COL24A1: variants seen among roughly 807,000 people sequenced by gnomAD.
The protein encoded by COL24A1 is collagen type XXIV alpha 1 chain.
Under a neutral mutation model 253.9 loss-of-function variants are expected in COL24A1, and 224 were observed. The observed-to-expected ratio is 0.88, with a 90% confidence interval of 0.79 to 0.99. The LOEUF (loss-of-function observed/expected upper bound fraction) is 0.99, where lower values mean the gene tolerates loss of function less well. Among genes scored for constraint, COL24A1 ranks in the 50% least tolerant of loss-of-function variants. The probability of loss-of-function intolerance (pLI) is 0.00; values close to 1 mark genes in which losing one functional copy is unlikely to be tolerated. For missense variants in COL24A1, 2,131 were observed against 2,068.5 expected (o/e 1.03, Z -0.59); for synonymous variants, 685 against 673.7 (o/e 1.02, Z -0.26).
chr1:85,877,574 G>A (rs939793226), intron 32 of COL24A1, among the ~76,000 whole-genome samples: 7 of 152,284 alleles, frequency 4.6e-5, no homozygotes, highest in Non-Finnish European at 8.8e-5. Flanking sequence ...TGTTGACCAG[G>A]CTGGTCATGA....
At chr1:85,736,398 T>C (rs1664059653) in intron 58 of COL24A1, 4 of 456,338 alleles carry the variant, frequency 8.8e-6, no homozygotes, top group Non-Finnish European at 1.8e-5. Context: ...CCATCTTCTT[T>C]CCTTCTATGA....
chr1:85,983,883 C>A (rs1300755400), intron 20 of COL24A1, among the ~76,000 whole-genome samples: 1 of 151,730 alleles, frequency 6.6e-6, no homozygotes, highest in East Asian at 1.9e-4. Context: ...ATAAAATCAT[C>A]CCAGGATATT....
rs1188611006 is a variant in COL24A1 at position 85,877,157 on chromosome 1, C to T, written c.2995G>A (p.Gly999Ser). The T allele has an allele frequency of 2.5e-6, 4 of 1,605,778 alleles. No homozygotes were observed. The Admixed American group carries it at 6.8e-5, about 27-fold the overall frequency. The change falls in exon 33 of 60, where the codon GGT becomes AGT. Residue 999 changes from glycine to serine, a missense_variant. Physicochemically the swap from Gly to Ser is moderately conservative, Grantham distance 56. Transcript: ENST00000370571. ...ATTTCTCCAGGAGGTCCAACATCACCTTGCAGTCCTCGCAGTCCCTATATT... is the reference window on the plus strand; with the variant it reads ...ATTTCTCCAGGAGGTCCAACATCACTTTGCAGTCCTCGCAGTCCCTATATT... ...PGEPGLRGLQ[G>S]DVGPPGEMGM...
intron 43 of COL24A1, among the ~76,000 whole-genome samples, chr1:85,828,153 T>G (rs1674654917): frequency 6.6e-6 from 1 of 152,072 alleles, no homozygotes; most frequent in Non-Finnish European, 1.5e-5. Flanking sequence ...AAGAACATCT[T>G]TATTTCTGCC....
At chr1:86,065,217 G>A (rs941458507) in intron 7 of COL24A1, among the ~76,000 whole-genome samples, 4 of 152,056 alleles carry the variant, frequency 2.6e-5, no homozygotes, top group Admixed American at 6.6e-5. Context: ...TAAAGTGTGT[G>A]TTTATTTATT....
At chr1:85,999,075 T>G (rs1470440051) in intron 19 of COL24A1, among the ~76,000 whole-genome samples, 1 of 152,164 alleles carries the variant, frequency 6.6e-6, no homozygotes, top group African/African-American at 2.4e-5. Flanking sequence ...AGACATAGCT[T>G]TCTGGAGGAG....
At chr1:85,810,725 G>C (rs529143994) in intron 47 of COL24A1, among the ~76,000 whole-genome samples, 12 of 152,136 alleles carry the variant, frequency 7.9e-5, no homozygotes, top group Admixed American at 4.6e-4. Flanking sequence ...TCTCTTGCTT[G>C]TTACTGCTTT....
At chr1:86,110,176 A>C (rs911957809) in intron 5 of COL24A1, among the ~76,000 whole-genome samples, 1 of 151,546 alleles carries the variant, frequency 6.6e-6, no homozygotes, top group African/African-American at 2.4e-5. Context: ...GGAATATTTT[A>C]TTTTATATAT....
intron 10 of COL24A1, among the ~76,000 whole-genome samples, chr1:86,051,674 G>A (rs559741037): frequency 6.6e-6 from 1 of 152,098 alleles, no homozygotes; most frequent in African/African-American, 2.4e-5. Context: ...TTAAGACACA[G>A]TTTTCATATA....
intron 3 of COL24A1, among the ~76,000 whole-genome samples, chr1:86,123,070 G>T (rs1469218234): frequency 6.6e-6 from 1 of 151,878 alleles, no homozygotes; most frequent in East Asian, 1.9e-4. Context: ...TTGGGCTTCA[G>T]TTTCTTCACC....
intron 14 of COL24A1, among the ~76,000 whole-genome samples, chr1:86,025,196 T>C (rs1277692684): frequency 4.6e-5 from 7 of 152,172 alleles, no homozygotes; most frequent in Non-Finnish European, 8.8e-5. Flanking sequence ...CTGAAAGTCC[T>C]TCAGCATTCC....
At chr1:86,023,776 A>G (rs970900082) in intron 14 of COL24A1, among the ~76,000 whole-genome samples, 6 of 152,134 alleles carry the variant, frequency 3.9e-5, no homozygotes, top group African/African-American at 9.7e-5. Context: ...TAAGGGTATG[A>G]AAGAAAAATT....
chr1:85,788,615 T>A (rs961277220), intron 47 of COL24A1, among the ~76,000 whole-genome samples: 1 of 152,236 alleles, frequency 6.6e-6, no homozygotes, highest in Non-Finnish European at 1.5e-5. Context: ...TTGCTTTTGA[T>A]GTTTCATCAT....
intron 24 of COL24A1, among the ~76,000 whole-genome samples, chr1:85,915,121 A>G (rs950919902): frequency 6.6e-6 from 1 of 152,204 alleles, no homozygotes; most frequent in African/African-American, 2.4e-5. Context: ...GCCTTTCCCA[A>G]TGTGGGTGGG....
chr1:85,748,707 A>C (rs1199353099), intron 55 of COL24A1, among the ~76,000 whole-genome samples: 4 of 141,870 alleles, frequency 2.8e-5, no homozygotes, highest in African/African-American at 1.0e-4. Context: ...AGGGCGAGGC[A>C]TTGCCTCACC....
At chr1:85,917,565 T>A (rs1359260932) in intron 24 of COL24A1, among the ~76,000 whole-genome samples, 3 of 152,060 alleles carry the variant, frequency 2.0e-5, no homozygotes, top group Middle Eastern at 3.2e-3. Flanking sequence ...GTTTTGGGCT[T>A]TTTCTGTGTA....
chr1:85,782,840 T>C (rs1669279538), intron 51 of COL24A1, among the ~76,000 whole-genome samples: 1 of 152,204 alleles, frequency 6.6e-6, no homozygotes, highest in African/African-American at 2.4e-5. Flanking sequence ...TTCAGCTTTT[T>C]TTCAGTTTTA....
chr1:85,905,280 A>G (rs569759693), intron 28 of COL24A1, among the ~76,000 whole-genome samples: 7 of 152,230 alleles, frequency 4.6e-5, no homozygotes, highest in Admixed American at 1.3e-4. Context: ...AGTAGGCTGG[A>G]CCAATATTCT....
intron 58 of COL24A1, 118 bp downstream of exon 58, chr1:85,737,278 A>C: frequency 1.7e-6 from 1 of 601,204 alleles, no homozygotes; most frequent in Non-Finnish European, 2.8e-6. Context: ...ACAATAGAGA[A>C]TAATCTTTGC....
Sources: gnomAD v4.1 joint callset for allele counts (sites outside exome capture counted in the v4.1 genomes callset) on GRCh38, gnomAD v4.1.1 for gene constraint, MANE v1.5 for transcripts, NCBI Gene and HGNC (gene_info 2026-07-23, HGNC 2026-07-21) for gene names.